The following LTBP2 variants were observed in gnomAD, a reference collection of about 807,000 sequenced individuals.
LTBP2 encodes the protein latent transforming growth factor beta binding protein 2, also known as latent-transforming growth factor beta-binding protein 2.
In LTBP2, 103 loss-of-function variants were observed where a neutral mutation model predicts 210.6. The observed-to-expected ratio is 0.49, with a 90% CI of 0.42 to 0.58. LTBP2 has a LOEUF of 0.58. LTBP2 is among the 20% of genes least tolerant of loss of function. LTBP2 has a pLI of 0.00. For missense variants in LTBP2, 2,313 were observed against 2,494.5 expected (o/e 0.93, Z 1.55); for synonymous variants, 1,007 against 1,015.0 (o/e 0.99, Z 0.15).
In LTBP2 at chr14:74,612,092, C is replaced by T. The variant is rs994842373; in HGVS notation, c.-148G>A. 12 of 834,904 alleles carry T rather than the reference C, an allele frequency of 1.4e-5. No homozygotes were observed. The East Asian group carries it at 1.6e-4, about 11-fold the overall frequency. 51.7% of individuals were successfully genotyped at this position (834,904 alleles called of 1,614,324 possible). On this transcript the variant is annotated 5_prime_UTR_variant, in exon 1 of 36. Transcript: ENST00000261978. ...GGCCCTGAAGCGGCCGACTGGGGGC[C>T]CGGCTCTCGGCGGAACGAGGGCTGC...
chr14:74,576,843 C>T (rs1411749505), intron 3 of LTBP2, among the ~76,000 whole-genome samples: 2 of 152,232 alleles, frequency 1.3e-5, no homozygotes, highest in East Asian at 1.9e-4. Flanking sequence ...AATACCCAAG[C>T]CCAGTGTCAG....
chr14:74,575,324 C>T (rs1449882304), intron 3 of LTBP2, among the ~76,000 whole-genome samples: 2 of 152,214 alleles, frequency 1.3e-5, no homozygotes, highest in South Asian at 2.1e-4. Context: ...AGGGGAACCT[C>T]GAAGGGACCT....
At chr14:74,577,506 T>C (rs897919723) in intron 3 of LTBP2, among the ~76,000 whole-genome samples, 232 of 128,524 alleles carry the variant, frequency 1.8e-3, no homozygotes, top group African/African-American at 6.9e-3. Flanking sequence ...CATTATCTCT[T>C]TTTTTTTTTT....
At chr14:74,519,704 C>T (rs557251972) in intron 17 of LTBP2, among the ~76,000 whole-genome samples, 2 of 152,252 alleles carry the variant, frequency 1.3e-5, no homozygotes, top group South Asian at 2.1e-4. Flanking sequence ...ACCCCATCCC[C>T]GTTCCCCAGC....
chr14:74,612,028 C>T lies in LTBP2; in HGVS notation c.-84G>A. The T allele has an allele frequency of 7.4e-7, 1 of 1,350,036 alleles. No individual in the cohort carries two copies. Among genetic ancestry groups the T allele is most frequent in the Non-Finnish European group, 9.6e-7 (1 of 1,040,216 alleles). The allele number at this position is 1,350,036 out of a possible 1,614,324, so 83.6% of individuals were successfully genotyped here. ...ACGCTGGACGCCCGCGGGCTGTTCT[C>T]CCGGCCCCGCCCGGCGGCCAGCTTC... On this transcript the variant is annotated 5_prime_UTR_variant, in exon 1 of 36. Coordinates refer to ENST00000261978, the MANE Select transcript of LTBP2 (RefSeq NM_000428.3).
chr14:74,539,552 T>G (rs1043632332), intron 8 of LTBP2, among the ~76,000 whole-genome samples: 1 of 151,792 alleles, frequency 6.6e-6, no homozygotes, highest in African/African-American at 2.4e-5. Flanking sequence ...ACAAAAAAAA[T>G]AAGATTAACT....
At position 74,501,507 on chromosome 14, in the gene LTBP2, G is replaced by T. The variant is rs756787943; in HGVS notation, c.5254C>A (p.Arg1752=). ...GCENGRCVRV[R]EGYTCDCFEG... is the part of the protein sequence containing the mutation. ...AAACAGTCACAGGTGTAGCCCTCCC[G>T]CACGCGCACACAGCGGCCATTCTCA... is the stretch of plus-strand genomic sequence containing the variant. The change falls in exon 35 of 36, where the codon CGG becomes AGG. Residue 1752 remains arginine (R), a synonymous_variant. Coordinates refer to ENST00000261978, the MANE Select transcript of LTBP2 (RefSeq NM_000428.3). The T allele has an allele frequency of 6.2e-7, 1 of 1,614,144 alleles. No homozygotes were observed. Among genetic ancestry groups the T allele is most frequent in the South Asian group, 1.1e-5 (1 of 91,078 alleles).
At chr14:74,569,348 G>T (rs2087944511) in intron 3 of LTBP2, among the ~76,000 whole-genome samples, 1 of 152,178 alleles carries the variant, frequency 6.6e-6, no homozygotes. Flanking sequence ...ACAGGAGAAG[G>T]TTATTTATTC....
At chr14:74,565,560 GC>G (rs373761239) in intron 3 of LTBP2, among the ~76,000 whole-genome samples, 5 of 152,190 alleles carry the variant, frequency 3.3e-5, no homozygotes, top group African/African-American at 1.2e-4. Context: ...AGTTCCAAGA[GC>G]CAAGATCTCA....
At chr14:74,544,420 A>G (rs1265295206) in intron 8 of LTBP2, among the ~76,000 whole-genome samples, 2 of 152,210 alleles carry the variant, frequency 1.3e-5, no homozygotes, top group African/African-American at 2.4e-5. Context: ...AACATCTAGA[A>G]ATATTGTTAG....
At chr14:74,611,414 C>G in intron 1 of LTBP2, 37 bp downstream of exon 1, 1 of 1,462,498 alleles carries the variant, frequency 6.8e-7, no homozygotes. Context: ...CCCTGGCTCC[C>G]CTCTGTACCC....
At chr14:74,549,788 G>T in intron 8 of LTBP2, 75 bp downstream of exon 8, 1 of 1,277,046 alleles carries the variant, frequency 7.8e-7, no homozygotes, top group South Asian at 1.2e-5. Context: ...ATCCTGGAGG[G>T]GAAACCCTGG....
chr14:74,552,799 G>C, intron 5 of LTBP2, 93 bp downstream of exon 5: 1 of 1,474,400 alleles, frequency 6.8e-7, no homozygotes, highest in Non-Finnish European at 9.2e-7. Flanking sequence ...CACAGTTTGG[G>C]AGCAGCGGGC....
chr14:74,509,313 T>G lies in LTBP2; in HGVS notation c.3328A>C (p.Asn1110His). ...PGVCPSGVCT[N>H]TAGSFSCKDC... ...TTGCAGGAGAAGGAGCCAGCCGTGT[T>G]GGTGCAGACTCCGGAGGGGCAGACT... The change falls in exon 22 of 36, where the codon AAC (asparagine) becomes CAC (histidine). Residue 1110 changes from asparagine (N) to histidine (H), a missense_variant. Asn to His is a moderately conservative substitution (Grantham distance 68). This residue lies in a region of LTBP2 where 1,867 missense variants were observed against 1,976.9 expected (regional missense o/e 0.94). Transcript: ENST00000261978. 6.2e-7 allele frequency: 1 copy of G among 1,613,636 alleles called. No individual in the cohort carries two copies. Among genetic ancestry groups the G allele is most frequent in the Non-Finnish European group, 8.5e-7 (1 of 1,179,980 alleles).
At chr14:74,511,954 A>G (rs976326337) in intron 18 of LTBP2, among the ~76,000 whole-genome samples, 5 of 152,208 alleles carry the variant, frequency 3.3e-5, no homozygotes, top group African/African-American at 1.2e-4. Flanking sequence ...CTTCCAGCCA[A>G]GAATCATGTA....
chr14:74,526,201 G>A (rs2087272065), intron 13 of LTBP2, 87 bp from the exon 14 acceptor site: 2 of 1,336,488 alleles, frequency 1.5e-6, no homozygotes, highest in Non-Finnish European at 2.1e-6. Flanking sequence ...CCCACCTCCG[G>A]GCTTCCTACC....
At chr14:74,569,729 G>T (rs2087950794) in intron 3 of LTBP2, among the ~76,000 whole-genome samples, 1 of 152,150 alleles carries the variant, frequency 6.6e-6, no homozygotes. Context: ...AACACAGGCT[G>T]AGCACCAGGC....
intron 3 of LTBP2, among the ~76,000 whole-genome samples, chr14:74,564,049 TTA>T (rs1260193455): frequency 2.2e-4 from 10 of 45,890 alleles, no homozygotes; most frequent in Admixed American, 8.0e-4. Context: ...ATATATATAT[TTA>T]TATATATATT....
intron 30 of LTBP2, 140 bp downstream of exon 30, chr14:74,504,638 G>T: frequency 1.3e-6 from 1 of 786,196 alleles, no homozygotes; most frequent in Non-Finnish European, 2.3e-6. Context: ...ACTCTGCAGG[G>T]AGTCAGCCCT....
Sources: allele counts gnomAD v4.1 joint callset (sites outside exome capture counted in the v4.1 genomes callset), GRCh38; gene constraint gnomAD v4.1.1; regional missense constraint gnomAD v4.1.1; transcripts MANE v1.5; gene names NCBI Gene and HGNC (gene_info 2026-07-23, HGNC 2026-07-21).